CADM2: variants seen among roughly 807,000 people sequenced by gnomAD.
CADM2 encodes cell adhesion molecule 2.
CADM2 carries 12 observed loss-of-function variants against 49.8 expected under a neutral mutation model. The ratio of observed to expected loss-of-function variants is 0.24; its 90% CI spans 0.15 to 0.39. The LOEUF (loss-of-function observed/expected upper bound fraction) is 0.39. Among genes scored for constraint, CADM2 ranks in the 10% least tolerant of loss-of-function variants. CADM2 has a pLI of 1.00. For synonymous variants in CADM2, 214 were observed against 175.4 expected (o/e 1.22, Z -1.74); for missense variants, 378 against 492.3 (o/e 0.77, Z 2.20).
rs778733322 is a variant in CADM2 at position 85,883,321 on chromosome 3, G to A, written c.269G>A (p.Arg90His). The change falls in exon 4 of 10, where the codon CGC becomes CAC. Residue 90 changes from arginine to histidine, a missense_variant. Transcript: ENST00000383699. ...AGGGACAATAGGATCGAGCTGGTTC[G>A]CGCTTCCTGGCATGAATTGAGTATT... is the stretch of plus-strand genomic sequence containing the variant. The part of the protein sequence containing the change: ...ALRDNRIELV[R>H]ASWHELSISV... 5.6e-5 allele frequency: 91 copies of A among 1,613,120 alleles called. 1 individual carries two copies. Among genetic ancestry groups the A allele is most frequent in the South Asian group, 2.5e-4 (23 of 90,964 alleles).
intron 1 of CADM2, among the ~76,000 whole-genome samples, chr3:85,105,449 G>A (rs1227135317): frequency 1.3e-5 from 2 of 152,114 alleles, no homozygotes; most frequent in Non-Finnish European, 1.5e-5. Context: ...GGAAACAACA[G>A]GTGCTGGAGA....
At chr3:85,515,567 A>G (rs1385766348) in intron 1 of CADM2, among the ~76,000 whole-genome samples, 2 of 143,344 alleles carry the variant, frequency 1.4e-5, no homozygotes, top group African/African-American at 5.5e-5. Context: ...GGATTACAGG[A>G]GAGTGCCACC....
intron 1 of CADM2, among the ~76,000 whole-genome samples, chr3:85,003,419 C>G (rs973708853): frequency 6.6e-6 from 1 of 151,884 alleles, no homozygotes; most frequent in African/African-American, 2.4e-5. Flanking sequence ...TATGAAAAAG[C>G]TAGAAAAGTA....
chr3:85,430,374 G>A (rs2036604059), intron 1 of CADM2, among the ~76,000 whole-genome samples: 1 of 151,942 alleles, frequency 6.6e-6, no homozygotes, highest in South Asian at 2.1e-4. Flanking sequence ...AGGAGGCTGG[G>A]CACAAGGGCT....
At chr3:85,002,684 C>A (rs765693644) in intron 1 of CADM2, among the ~76,000 whole-genome samples, 4 of 152,122 alleles carry the variant, frequency 2.6e-5, no homozygotes, top group Non-Finnish European at 5.9e-5. Flanking sequence ...ATTTGTTAAT[C>A]TGGGTAGCTC....
At chr3:85,799,028 T>A (rs574528190) in intron 2 of CADM2, among the ~76,000 whole-genome samples, 1 of 152,260 alleles carries the variant, frequency 6.6e-6, no homozygotes, top group African/African-American at 2.4e-5. Context: ...ATTCTCTTTG[T>A]AGCAATTGTG....
chr3:85,404,432 G>GA (rs963162869), intron 1 of CADM2, among the ~76,000 whole-genome samples: 3 of 151,488 alleles, frequency 2.0e-5, no homozygotes, highest in African/African-American at 4.8e-5. Context: ...TGAGACTCCA[G>GA]AAAAAAAAGT....
intron 1 of CADM2, among the ~76,000 whole-genome samples, chr3:84,984,716 T>G (rs1024937730): frequency 1.3e-5 from 2 of 152,184 alleles, no homozygotes; most frequent in South Asian, 4.1e-4. Flanking sequence ...GAAGACATTC[T>G]CATTCTGAAA....
intron 1 of CADM2, among the ~76,000 whole-genome samples, chr3:85,177,857 A>G (rs1324518313): frequency 1.3e-5 from 2 of 152,006 alleles, no homozygotes; most frequent in East Asian, 1.9e-4. Context: ...TTAATCTAAT[A>G]TTGTTATATA....
intron 8 of CADM2, among the ~76,000 whole-genome samples, chr3:86,009,898 A>G (rs965552944): frequency 1.3e-5 from 2 of 151,840 alleles, no homozygotes; most frequent in African/African-American, 4.8e-5. Flanking sequence ...GCATTATGTC[A>G]TATGATTATT....
chr3:85,608,122 G>A (rs776970663), intron 1 of CADM2, among the ~76,000 whole-genome samples: 6 of 151,998 alleles, frequency 3.9e-5, no homozygotes, highest in East Asian at 3.9e-4. Context: ...TTTTCAAACC[G>A]TGTGGGCATA....
intron 1 of CADM2, among the ~76,000 whole-genome samples, chr3:85,659,881 G>T (rs1175798464): frequency 1.3e-5 from 2 of 152,094 alleles, no homozygotes; most frequent in Non-Finnish European, 2.9e-5. Flanking sequence ...CACAAGGTGT[G>T]CACCAAATCC....
chr3:85,185,338 A>T (rs1393881074), intron 1 of CADM2, among the ~76,000 whole-genome samples: 2 of 152,138 alleles, frequency 1.3e-5, no homozygotes, highest in African/African-American at 2.4e-5. Context: ...ATGAAAAAAA[A>T]AAATGATGGT....
intron 2 of CADM2, among the ~76,000 whole-genome samples, chr3:85,770,809 A>G (rs1014175132): frequency 6.6e-6 from 1 of 152,130 alleles, no homozygotes; most frequent in Non-Finnish European, 1.5e-5. Context: ...TAAGGCCACA[A>G]AAGGAGTTTT....
chr3:85,870,387 C>T (rs1487147190), intron 3 of CADM2, among the ~76,000 whole-genome samples: 1 of 151,832 alleles, frequency 6.6e-6, no homozygotes, highest in East Asian at 1.9e-4. Flanking sequence ...ATTATTTTTT[C>T]CTGATTTCTC....
At chr3:85,723,069 A>AT (rs2067564429) in intron 1 of CADM2, among the ~76,000 whole-genome samples, 1 of 152,190 alleles carries the variant, frequency 6.6e-6, no homozygotes, top group Non-Finnish European at 1.5e-5. Flanking sequence ...TATGGTAATT[A>AT]TTTTATCATT....
At chr3:85,530,472 A>G (rs2061280139) in intron 1 of CADM2, among the ~76,000 whole-genome samples, 1 of 151,544 alleles carries the variant, frequency 6.6e-6, no homozygotes, top group Non-Finnish European at 1.5e-5. Flanking sequence ...CTGGGACTAC[A>G]GGCGCCCGCC....
intron 1 of CADM2, among the ~76,000 whole-genome samples, chr3:85,469,465 A>G (rs2038670970): frequency 6.6e-6 from 1 of 152,148 alleles, no homozygotes; most frequent in Admixed American, 6.5e-5. Context: ...AATGGACCCA[A>G]TAGTTTAATT....
In CADM2 at chr3:85,570,154, T is replaced by C. The variant is rs531845234; in HGVS notation, c.62-156368T>C. ...ATCCTAAGGATAGTCATTGGAAAAA[T>C]AGAAACATTTCCTGATATATTTTTC... On this transcript the variant is annotated intron_variant, in intron 1 of 9. Coordinates refer to ENST00000383699, the MANE Select transcript of CADM2 (RefSeq NM_001167675.2). Among the ~76,000 whole-genome samples, 19 of 152,250 alleles carry C rather than the reference T, an allele frequency of 1.2e-4. No individual in the cohort carries two copies. In the East Asian group the frequency reaches 3.7e-3, roughly 29 times the overall value.
Sources: allele counts gnomAD v4.1 joint callset (sites outside exome capture counted in the v4.1 genomes callset), GRCh38; gene constraint gnomAD v4.1.1; transcripts MANE v1.5; gene names NCBI Gene and HGNC (gene_info 2026-07-23, HGNC 2026-07-21).